Variants in ZC3H12D observed in about 807,000 individuals in gnomAD.
ZC3H12D encodes zinc finger CCCH-type containing 12D, also known as probable ribonuclease ZC3H12D.
Under a neutral mutation model 24.2 loss-of-function variants are expected in ZC3H12D, and 11 were observed. That is an observed-to-expected ratio of 0.46 (90% CI 0.29 to 0.75). The LOEUF (loss-of-function observed/expected upper bound fraction) is 0.75. Ranked by LOEUF, ZC3H12D falls within the 30% of genes least tolerant of loss-of-function variation. ZC3H12D has a pLI of 0.11. For synonymous variants in ZC3H12D, 333 were observed against 341.8 expected, an observed-to-expected ratio of 0.97 and a Z score of 0.28; for missense variants, 740 against 767.7, an observed-to-expected ratio of 0.96 and a Z score of 0.43.
chr6:149,451,029 G>T lies in ZC3H12D; in HGVS notation c.1238C>A (p.Pro413Gln). 1 of 1,441,274 alleles carries T rather than the reference G, an allele frequency of 6.9e-7. No homozygotes were observed. Among genetic ancestry groups the T allele is most frequent in the Non-Finnish European group, 9.1e-7 (1 of 1,103,138 alleles). 89.3% of individuals were successfully genotyped at this position (1,441,274 alleles called of 1,614,324 possible). Residue 413 changes from proline to glutamine, a missense_variant, in exon 6 of 6, where the codon CCG becomes CAG. Coordinates refer to ENST00000409806, the MANE Select transcript of ZC3H12D (RefSeq NM_207360.3). Reference sequence around the variant, plus strand: ...GTCCCTAGGGCGGTGTTCGCCCCGCGGCTGGAGCTGCAGGCCGGGCGGAGG... The same window carrying T: ...GTCCCTAGGGCGGTGTTCGCCCCGCTGCTGGAGCTGCAGGCCGGGCGGAGG... ...LPPPPGLQLQ[P>Q]RGEHRPRDLH...
chr6:149,450,905 C>G lies in ZC3H12D; in HGVS notation c.1362G>C (p.Glu454Asp), dbSNP rs1775879574. The G allele has an allele frequency of 6.5e-7, 1 of 1,540,316 alleles. No homozygotes were observed. The highest frequency in any genetic ancestry group is 8.7e-7 in the Non-Finnish European group (1 of 1,146,214). The change falls in exon 6 of 6, where the codon GAG (glutamate) becomes GAC (aspartate). Residue 454 changes from glutamate (E) to aspartate (D), a missense_variant. By Grantham distance (45) the Glu-to-Asp change is conservative. Transcript: ENST00000409806. ...DRFPGRSVWA[E>D]PAWGDGATGG... is the part of the protein sequence containing the mutation. Reference sequence around the variant, plus strand: ...CAGTGGCGCCGTCGCCCCAGGCCGGCTCCGCCCAGACGGAGCGCCCAGGGA... The same window carrying G: ...CAGTGGCGCCGTCGCCCCAGGCCGGGTCCGCCCAGACGGAGCGCCCAGGGA...
intron 2 of ZC3H12D, among the ~76,000 whole-genome samples, chr6:149,470,543 A>T (rs1398751665): frequency 6.6e-6 from 1 of 151,930 alleles, no homozygotes; most frequent in Non-Finnish European, 1.5e-5. Context: ...GAAGAAAAAA[A>T]AAATAAAAAT....
chr6:149,462,393 C>A lies in ZC3H12D; in HGVS notation c.306-423G>T, dbSNP rs1288485184. Among the ~76,000 whole-genome samples, 22 of 112,512 alleles carry A rather than the reference C, an allele frequency of 2.0e-4. No homozygotes were observed. In the East Asian group the frequency reaches 3.8e-3, roughly 19 times the overall value. 73.8% of individuals were successfully genotyped at this position (112,512 alleles called of 152,430 possible). A position where few individuals can be genotyped will look rare whatever the true frequency, so the allele number is the denominator to read the frequency against. ...TGTCTCAACAAAAAACAAAACAAAA[C>A]AAAAAAAAACCACACACACACACAA... is the stretch of plus-strand genomic sequence containing the variant. On this transcript the variant is annotated intron_variant, in intron 2 of 5. Coordinates refer to ENST00000409806, the MANE Select transcript of ZC3H12D (RefSeq NM_207360.3).
intron 2 of ZC3H12D, among the ~76,000 whole-genome samples, chr6:149,462,894 T>G (rs899180216): frequency 1.3e-5 from 2 of 152,206 alleles, no homozygotes; most frequent in African/African-American, 4.8e-5. Context: ...CACTGTCGGC[T>G]TCCCTATTTT....
rs1775787495 is a variant in ZC3H12D at position 149,447,004 on chromosome 6, G to C, written c.*3679C>G. The C allele has an allele frequency of 6.6e-6, 1 of 152,214 alleles. No homozygotes were observed. Among genetic ancestry groups the C allele is most frequent in the Non-Finnish European group, 1.5e-5 (1 of 68,044 alleles). The allele number at this position is 152,214 out of a possible 1,614,324, so 9.4% of individuals were successfully genotyped here. ...GCTCTGCTGCATGTTTGAACAAGAAGAGCAGCTTCTATGAGATGGCTTCAT... is the reference window on the plus strand; with the variant it reads ...GCTCTGCTGCATGTTTGAACAAGAACAGCAGCTTCTATGAGATGGCTTCAT... On this transcript the variant is annotated 3_prime_UTR_variant, in exon 6 of 6. Transcript: ENST00000409806.
intron 2 of ZC3H12D, among the ~76,000 whole-genome samples, chr6:149,473,647 A>G (rs1776283486): frequency 6.6e-6 from 1 of 152,196 alleles, no homozygotes. Flanking sequence ...CCACAAACAA[A>G]TCTCTCAAAC....
intron 4 of ZC3H12D, among the ~76,000 whole-genome samples, chr6:149,454,281 T>C (rs1261983972): frequency 6.6e-6 from 1 of 152,234 alleles, no homozygotes; most frequent in Non-Finnish European, 1.5e-5. Context: ...GTCCACTTTT[T>C]ACATAAATAC....
intron 4 of ZC3H12D, among the ~76,000 whole-genome samples, chr6:149,453,935 C>T (rs58986430): frequency 0.037 from 5,664 of 152,274 alleles, 220 homozygotes; most frequent in South Asian, 0.12. Context: ...CTCCTTGAGG[C>T]TTAGGTCCCA....
Position 149,471,559 on chromosome 6 carries a change from C to A in ZC3H12D, c.305+2680G>T, listed in dbSNP as rs370342842. On this transcript the variant is annotated intron_variant, in intron 2 of 5. Coordinates refer to ENST00000409806, the MANE Select transcript of ZC3H12D (RefSeq NM_207360.3). ...TTATCATATTTTTGGGGATGACAGA[C>A]CCTTTAAGTGTCTATTGAAAGCTGT... Among the ~76,000 whole-genome samples the A allele has an allele frequency of 5.9e-5, 9 of 152,294 alleles. No homozygotes were observed. The South Asian group carries it at 1.7e-3, about 28-fold the overall frequency.
chr6:149,462,260 G>A (rs1283387910), intron 2 of ZC3H12D, among the ~76,000 whole-genome samples: 1 of 152,120 alleles, frequency 6.6e-6, no homozygotes, highest in African/African-American at 2.4e-5. Flanking sequence ...TGCAATCCCA[G>A]CTACTCTGGA....
At chr6:149,469,185 C>T (rs987905222) in intron 2 of ZC3H12D, among the ~76,000 whole-genome samples, 1 of 152,170 alleles carries the variant, frequency 6.6e-6, no homozygotes, top group Non-Finnish European at 1.5e-5. Context: ...CAGCCGGGAG[C>T]GATGGCTCAA....
chr6:149,467,561 T>C (rs1776182007), intron 2 of ZC3H12D, among the ~76,000 whole-genome samples: 1 of 152,080 alleles, frequency 6.6e-6, no homozygotes, highest in Non-Finnish European at 1.5e-5. Context: ...GCCTTGGAGC[T>C]CATTTTTAAG....
intron 3 of ZC3H12D, among the ~76,000 whole-genome samples, chr6:149,458,707 A>G (rs1411270810): frequency 6.6e-6 from 1 of 152,188 alleles, no homozygotes; most frequent in Non-Finnish European, 1.5e-5. Context: ...GGCGATGCCA[A>G]GTTACATACC....
intron 4 of ZC3H12D, among the ~76,000 whole-genome samples, chr6:149,453,128 CAAA>C (rs59814309): frequency 8.7e-4 from 92 of 106,068 alleles, no homozygotes; most frequent in Admixed American, 1.3e-3. Flanking sequence ...CTACAGAAAG[CAAA>C]AAAAAAAAAA....
At chr6:149,463,586 A>G (rs1776108387) in intron 2 of ZC3H12D, among the ~76,000 whole-genome samples, 2 of 152,166 alleles carry the variant, frequency 1.3e-5, no homozygotes, top group African/African-American at 4.8e-5. Context: ...GCGCATGCCT[A>G]TAATCCCAGC....
At chr6:149,468,303 C>A (rs1776192752) in intron 2 of ZC3H12D, among the ~76,000 whole-genome samples, 1 of 152,122 alleles carries the variant, frequency 6.6e-6, no homozygotes, top group Non-Finnish European at 1.5e-5. Context: ...TTTGAATAAC[C>A]AAAGGTACAA....
chr6:149,477,536 A>G (rs986018689), intron 1 of ZC3H12D, among the ~76,000 whole-genome samples: 4 of 152,192 alleles, frequency 2.6e-5, no homozygotes, highest in Non-Finnish European at 4.4e-5. Flanking sequence ...TCTTGAAACT[A>G]TCTGTTCCCT....
At chr6:149,479,863 G>A (rs1776397667) in intron 1 of ZC3H12D, among the ~76,000 whole-genome samples, 3 of 152,114 alleles carry the variant, frequency 2.0e-5, no homozygotes, top group Non-Finnish European at 4.4e-5. Flanking sequence ...AATGTCCAAA[G>A]CTAAAGTTAT....
intron 4 of ZC3H12D, among the ~76,000 whole-genome samples, chr6:149,454,305 G>A (rs572555851): frequency 6.6e-6 from 1 of 152,304 alleles, no homozygotes; most frequent in Admixed American, 6.5e-5. Flanking sequence ...TGTTCCCAAG[G>A]CCACTTCCAG....
Sources: allele counts gnomAD v4.1 joint callset (sites outside exome capture counted in the v4.1 genomes callset), GRCh38; gene constraint gnomAD v4.1.1; transcripts MANE v1.5; gene names NCBI Gene and HGNC (gene_info 2026-07-23, HGNC 2026-07-21).